TRAPPC12: variants seen among roughly 807,000 people sequenced by gnomAD.
TRAPPC12 encodes trafficking protein particle complex subunit 12.
In TRAPPC12, 61 loss-of-function variants were observed where a neutral mutation model predicts 69.2. That is an observed-to-expected ratio of 0.88 (90% CI 0.72 to 1.09). The LOEUF (loss-of-function observed/expected upper bound fraction) is 1.09, where lower values mean the gene tolerates loss of function less well. TRAPPC12 is among the 50% of genes least tolerant of loss of function. The pLI, the probability that TRAPPC12 is intolerant of heterozygous loss-of-function variation, is 0.00. For missense variants in TRAPPC12, 1,101 were observed against 1,016.4 expected (o/e 1.08, Z -1.13); for synonymous variants, 469 against 438.9 (o/e 1.07, Z -0.86).
intron 6 of TRAPPC12, chr2:3,449,051 G>A (rs1664710671): frequency 6.6e-6 from 1 of 152,246 alleles, no homozygotes; most frequent in Non-Finnish European, 1.5e-5. Context: ...GAGCCACTGA[G>A]TGAATTAGTA....
At chr2:3,420,995 T>G (rs1300083805) in intron 3 of TRAPPC12, among the ~76,000 whole-genome samples, 1 of 152,216 alleles carries the variant, frequency 6.6e-6, no homozygotes, top group Non-Finnish European at 1.5e-5. Flanking sequence ...CACTAATGAG[T>G]GCTCGTTCAC....
chr2:3,389,071 GA>G (rs1329292891), intron 2 of TRAPPC12: 2 of 168,362 alleles, frequency 1.2e-5, no homozygotes, highest in Admixed American at 1.3e-4. Flanking sequence ...GGTTGAATAA[GA>G]AAAATACGCG....
intron 3 of TRAPPC12, among the ~76,000 whole-genome samples, chr2:3,407,327 C>T (rs1354420435): frequency 6.6e-6 from 1 of 152,148 alleles, no homozygotes; most frequent in African/African-American, 2.4e-5. Flanking sequence ...CAAATAGACC[C>T]TGTATCGTAC....
intron 2 of TRAPPC12, among the ~76,000 whole-genome samples, chr2:3,391,533 T>C (rs769492964): frequency 6.6e-6 from 1 of 152,236 alleles, no homozygotes; most frequent in Non-Finnish European, 1.5e-5. Flanking sequence ...CTTTCCAGAA[T>C]GTTCATTGAC....
At chr2:3,392,689 G>A (rs1660890586) in intron 2 of TRAPPC12, among the ~76,000 whole-genome samples, 1 of 152,262 alleles carries the variant, frequency 6.6e-6, no homozygotes, top group Non-Finnish European at 1.5e-5. Context: ...GAGACAGCAA[G>A]AGTTGGTGAG....
chr2:3,397,005 A>G (rs905843311), intron 2 of TRAPPC12, among the ~76,000 whole-genome samples: 1 of 152,218 alleles, frequency 6.6e-6, no homozygotes, highest in African/African-American at 2.4e-5. Context: ...GAAAGAAAGA[A>G]AAGAAAAGAA....
At chr2:3,408,854 T>C (rs538174253) in intron 3 of TRAPPC12, among the ~76,000 whole-genome samples, 26 of 152,326 alleles carry the variant, frequency 1.7e-4, no homozygotes, top group African/African-American at 6.3e-4. Flanking sequence ...TATATGCAGT[T>C]GATCGGGCAG....
intron 1 of TRAPPC12, among the ~76,000 whole-genome samples, chr2:3,384,337 A>G (rs928836898): frequency 6.6e-6 from 1 of 151,768 alleles, no homozygotes; most frequent in African/African-American, 2.4e-5. Context: ...CTGCCCGAGG[A>G]CTCCAGTATT....
At chr2:3,463,358 G>A (rs967489214) in intron 8 of TRAPPC12, among the ~76,000 whole-genome samples, 4 of 151,686 alleles carry the variant, frequency 2.6e-5, no homozygotes, top group East Asian at 3.9e-4. Flanking sequence ...ACTGGCGAGC[G>A]CTACTGTTGC....
At chr2:3,417,322 C>T (rs544061698) in intron 3 of TRAPPC12, among the ~76,000 whole-genome samples, 1 of 152,232 alleles carries the variant, frequency 6.6e-6, no homozygotes, top group African/African-American at 2.4e-5. Context: ...GGAGCAGCCA[C>T]GGCTCCCCCC....
chr2:3,412,997 A>G (rs1257058532), intron 3 of TRAPPC12, among the ~76,000 whole-genome samples: 1 of 152,236 alleles, frequency 6.6e-6, no homozygotes, highest in African/African-American at 2.4e-5. Context: ...CATTTATTAT[A>G]CAAAATAAAT....
At chr2:3,422,026 C>T (rs1165956620) in intron 4 of TRAPPC12, 32 bp downstream of exon 4, 2 of 1,542,402 alleles carry the variant, frequency 1.3e-6, no homozygotes, top group Non-Finnish European at 1.8e-6. Context: ...TGGAGTTTAA[C>T]CTGGCTTATC....
At chr2:3,466,388 C>G (rs149132262) in intron 9 of TRAPPC12, 156 of 471,256 alleles carry the variant, frequency 3.3e-4, no homozygotes, top group African/African-American at 2.9e-3. Flanking sequence ...CAGGCACCCA[C>G]TCACGGTGAG....
rs148444282 is a variant in TRAPPC12, at chr2:3,420,894, T to G, written c.1165-987T>G. Among the ~76,000 whole-genome samples, 47 of 152,326 alleles carry G rather than the reference T, an allele frequency of 3.1e-4. No individual in the cohort carries two copies. The East Asian group carries it at 8.7e-3, about 28-fold the overall frequency. On this transcript the variant is annotated intron_variant, in intron 3 of 11. Transcript: ENST00000324266. ...AATATGTAAACTCCTAAACTTCTTG[T>G]CAGAGAAGCGCTTGGCATGCACACA...
intron 6 of TRAPPC12, among the ~76,000 whole-genome samples, chr2:3,447,528 A>T (rs571070091): frequency 5.9e-5 from 9 of 152,146 alleles, no homozygotes; most frequent in Admixed American, 3.3e-4. Flanking sequence ...CAAGGTAACT[A>T]ACAGAGCCAG....
chr2:3,386,701 G>T (rs1334321009), intron 1 of TRAPPC12, among the ~76,000 whole-genome samples: 1 of 152,066 alleles, frequency 6.6e-6, no homozygotes, highest in Non-Finnish European at 1.5e-5. Context: ...TATGAGCTGG[G>T]GCGTGGGGCG....
intron 8 of TRAPPC12, chr2:3,460,618 C>A: frequency 2.6e-6 from 1 of 384,874 alleles, no homozygotes; most frequent in Middle Eastern, 6.7e-4. Flanking sequence ...CATTTTCCCC[C>A]ATTTTTCTCT....
intron 2 of TRAPPC12, among the ~76,000 whole-genome samples, chr2:3,393,804 C>G (rs1313325446): frequency 6.6e-6 from 1 of 152,050 alleles, no homozygotes; most frequent in Non-Finnish European, 1.5e-5. Context: ...AGACATATCC[C>G]TGATCAGTAT....
intron 5 of TRAPPC12, among the ~76,000 whole-genome samples, chr2:3,428,768 C>T (rs966547541): frequency 2.6e-5 from 4 of 152,096 alleles, no homozygotes; most frequent in East Asian, 1.9e-4. Context: ...GGAAGAATCC[C>T]GAGGACTACG....
Sources: allele counts gnomAD v4.1 joint callset (sites outside exome capture counted in the v4.1 genomes callset), GRCh38; gene constraint gnomAD v4.1.1; transcripts MANE v1.5; gene names NCBI Gene and HGNC (gene_info 2026-07-23, HGNC 2026-07-21).